The following PSMD1 variants were observed in gnomAD, a reference collection of about 807,000 sequenced individuals.
PSMD1 encodes proteasome 26S subunit, non-ATPase 1, also known as 26S proteasome non-ATPase regulatory subunit 1.
A neutral mutation model predicts 119.0 loss-of-function variants in PSMD1; 18 were observed. That is an observed-to-expected ratio of 0.15 (90% confidence interval 0.10 to 0.22). The LOEUF (loss-of-function observed/expected upper bound fraction) is 0.22. Among genes scored for constraint, PSMD1 ranks in the 10% least tolerant of loss-of-function variants. PSMD1 has a pLI of 1.00. For missense variants in PSMD1, 702 were observed against 1,158.5 expected (o/e 0.61, Z 5.72); for synonymous variants, 374 against 396.6 (o/e 0.94, Z 0.68).
At chr2:231,118,194 T>C (rs1695409110) in intron 16 of PSMD1, among the ~76,000 whole-genome samples, 1 of 151,658 alleles carries the variant, frequency 6.6e-6, no homozygotes, top group Admixed American at 6.6e-5. Context: ...ATGTGAAGTG[T>C]TTAGAACAGT....
chr2:231,080,280 A>G lies in PSMD1; in HGVS notation c.1379A>G (p.Tyr460Cys). 2.5e-6 allele frequency: 4 copies of G among 1,611,744 alleles called. No individual in the cohort carries two copies. Among genetic ancestry groups the G allele is most frequent in the Non-Finnish European group, 2.5e-6 (3 of 1,178,774 alleles). The change falls in exon 12 of 25, where the codon TAT becomes TGT. Residue 460 changes from tyrosine to cysteine, a missense_variant. Around this residue, in one of 9 missense-constraint regions of PSMD1, gnomAD observed 272 missense variants for 511.6 expected, o/e 0.53. Transcript: ENST00000308696. ...AATCATGGTGGTGATATAATTGACT[A>G]TCTGCTTAATCAGCTTAAGAACGCC... ...HANHGGDIIDYLLNQLKNASN... is the reference protein window; with the variant it reads ...HANHGGDIIDCLLNQLKNASN...
At chr2:231,115,987 A>C (rs1695317854) in intron 16 of PSMD1, among the ~76,000 whole-genome samples, 1 of 152,064 alleles carries the variant, frequency 6.6e-6, no homozygotes, top group South Asian at 2.1e-4. Flanking sequence ...TAAAAGATGC[A>C]CCTAAGTTTC....
chr2:231,072,386 G>A lies in PSMD1; in HGVS notation c.852G>A (p.Thr284=), dbSNP rs768192994. 4 of 1,613,180 alleles carry A rather than the reference G, an allele frequency of 2.5e-6. No individual in the cohort carries two copies. The highest frequency in any genetic ancestry group is 2.2e-5 in the East Asian group (1 of 44,874). ...PIASVPGSTN[T]GTVPGSEKDS... The stretch of plus-strand genomic sequence containing the variant: ...CTTCTGTGCCTGGATCCACTAATAC[G>A]GGTACTGTTCCGGGATCAGAGAAAG... Residue 284 remains threonine (T), a synonymous_variant, in exon 7 of 25, where the codon ACG becomes ACA. Coordinates refer to ENST00000308696, the MANE Select transcript of PSMD1 (RefSeq NM_002807.4).
chr2:231,138,717 G>C lies in PSMD1; in HGVS notation c.1884-19G>C. ...ATAGATTACCTATAACAGTGGCTTC[G>C]CTTTCTGTTTCTTATCAGAACCCCT... On this transcript the variant is annotated intron_variant, in intron 16 of 24. Coordinates refer to ENST00000308696, the MANE Select transcript of PSMD1 (RefSeq NM_002807.4). The C allele has an allele frequency of 1.3e-6, 2 of 1,575,960 alleles. No individual in the cohort carries two copies. Among genetic ancestry groups the C allele is most frequent in the Non-Finnish European group, 1.7e-6 (2 of 1,145,614 alleles).
rs1405186946 is a variant in PSMD1, at chr2:231,083,559, C to T, written c.1526-8C>T. On this transcript the variant is annotated splice_region_variant and splice_polypyrimidine_tract_variant and intron_variant, in intron 13 of 24. Transcript: ENST00000308696. ...CTCTCTGTTAACATTTTACTCGTTA[C>T]TTGCCAGGGGAAGCAGCTGGCCTGG... 8.7e-6 allele frequency: 14 copies of T among 1,613,930 alleles called. No homozygotes were observed. The highest frequency in any genetic ancestry group is 1.3e-5 in the African/African-American group (1 of 74,920).
rs1260358631 is a variant in PSMD1 at position 231,098,447 on chromosome 2, TTCTCTCTCTCTCTGTCTCTTTCTC to T, written c.1883+11276_1883+11299del. On this transcript the variant is annotated intron_variant, in intron 16 of 24. Coordinates refer to ENST00000308696, the MANE Select transcript of PSMD1 (RefSeq NM_002807.4). ...ACTCCCTCTTTGTCTCTCTGTCTCT[TTCTCTCTCTCTCTGTCTCTTTCTC>T]TCTCTCTCTGTCTCTATCTCTCTGA... is the stretch of plus-strand genomic sequence containing the variant. 4.6e-5 allele frequency among the ~76,000 whole-genome samples: 7 copies of T among 150,740 alleles called. No individual in the cohort carries two copies. The East Asian group carries it at 5.9e-4, about 13-fold the overall frequency.
chr2:231,121,008 T>C (rs1695521535), intron 16 of PSMD1, among the ~76,000 whole-genome samples: 1 of 152,218 alleles, frequency 6.6e-6, no homozygotes, highest in Non-Finnish European at 1.5e-5. Flanking sequence ...TACATGCAGT[T>C]CCCAATTTAT....
chr2:231,113,859 T>C, intron 16 of PSMD1: 1 of 1,614,150 alleles, frequency 6.2e-7, no homozygotes, highest in Non-Finnish European at 8.5e-7. Flanking sequence ...GCATGATGGA[T>C]GCGGTTGAAA....
At chr2:231,109,370 T>G in intron 16 of PSMD1, 1 of 1,614,134 alleles carries the variant, frequency 6.2e-7, no homozygotes, top group Non-Finnish European at 8.5e-7. Flanking sequence ...GTTGTCCACA[T>G]CAGTCTCTAT....
intron 10 of PSMD1, 44 bp downstream of exon 10, chr2:231,078,791 C>CTTTTTTTT (rs748353083): frequency 1.8e-3 from 612 of 342,616 alleles, no homozygotes; most frequent in South Asian, 5.6e-3. Flanking sequence ...AAATCTTTTT[C>CTTTTTTTT]TTTTTTTTTT....
At chr2:231,083,062 C>T (rs1012093411) in intron 13 of PSMD1, 68 bp downstream of exon 13, 75 of 1,172,818 alleles carry the variant, frequency 6.4e-5, no homozygotes, top group Non-Finnish European at 8.8e-5. Context: ...ACATTAGTTT[C>T]TACCTATATT....
chr2:231,060,401 A>G (rs1159736313), intron 1 of PSMD1: 1 of 152,210 alleles, frequency 6.6e-6, no homozygotes, highest in Non-Finnish European at 1.5e-5. Flanking sequence ...TAATCAAACC[A>G]CAGTTTCAAC....
chr2:231,096,063 G>A (rs1352279999), intron 16 of PSMD1, among the ~76,000 whole-genome samples: 1 of 152,184 alleles, frequency 6.6e-6, no homozygotes, highest in Non-Finnish European at 1.5e-5. Flanking sequence ...GGTCTGCAGA[G>A]TGACCTCAAA....
At chr2:231,080,011 G>C (rs1371936062) in intron 11 of PSMD1, 130 bp from the exon 12 acceptor site, 1 of 742,740 alleles carries the variant, frequency 1.3e-6, no homozygotes, top group Admixed American at 3.3e-5. Flanking sequence ...TTATATGAGA[G>C]AGAGCCCCAC....
intron 19 of PSMD1, among the ~76,000 whole-genome samples, chr2:231,159,520 A>G (rs533252490): frequency 6.6e-6 from 1 of 152,324 alleles, no homozygotes; most frequent in East Asian, 1.9e-4. Context: ...CCCTTTAAAT[A>G]GTACATGTAC....
rs553329614 is a variant in PSMD1 at position 231,072,101 on chromosome 2, G to A, written c.655-88G>A. 15 of 1,129,378 alleles carry A rather than the reference G, an allele frequency of 1.3e-5. No homozygotes were observed. In the African/African-American group the frequency reaches 2.0e-4, roughly 15 times the overall value. 70.0% of individuals were successfully genotyped at this position (1,129,378 alleles called of 1,614,324 possible). ...AGTTTGCCTGTGCTTATATTTTAAG[G>A]TTTTCTATAATGTTGATTTTGTCTC... On this transcript the variant is annotated intron_variant, in intron 6 of 24. Transcript: ENST00000308696.
At position 231,079,630 on chromosome 2, in the gene PSMD1, C is replaced by A; in HGVS notation, c.1239+16C>A. On this transcript the variant is annotated intron_variant, in intron 11 of 24. Transcript: ENST00000308696. ...AATTCATAAGGTAATATATATTGGT[C>A]AGTGTATACAGGCATCAGAAAAGAA... 6.7e-7 allele frequency: 1 copy of A among 1,499,080 alleles called. No homozygotes were observed. The highest frequency in any genetic ancestry group is 1.2e-5 in the South Asian group (1 of 80,306). 92.9% of individuals were successfully genotyped at this position (1,499,080 alleles called of 1,614,324 possible).
chr2:231,112,571 A>G (rs969376475), intron 16 of PSMD1, among the ~76,000 whole-genome samples: 1 of 152,174 alleles, frequency 6.6e-6, no homozygotes, highest in Non-Finnish European at 1.5e-5. Context: ...CAGATTAGGG[A>G]GGAGTAATTT....
chr2:231,087,962 CAAAA>C (rs1056884712), intron 16 of PSMD1, among the ~76,000 whole-genome samples: 1 of 138,540 alleles, frequency 7.2e-6, no homozygotes, highest in African/African-American at 2.7e-5. Flanking sequence ...GACTCCCTCT[CAAAA>C]AAAAAAAAAG....
Sources: gnomAD v4.1 joint callset for allele counts (sites outside exome capture counted in the v4.1 genomes callset) on GRCh38, gnomAD v4.1.1 for gene constraint, gnomAD v4.1.1 regional missense constraint, MANE v1.5 for transcripts, NCBI Gene and HGNC (gene_info 2026-07-23, HGNC 2026-07-21) for gene names.